LRP1B: variants seen among roughly 807,000 people sequenced by gnomAD.
The protein encoded by LRP1B is LDL receptor related protein 1B.
Under a neutral mutation model 556.6 loss-of-function variants are expected in LRP1B, and 217 were observed. The ratio of observed to expected loss-of-function variants is 0.39; its 90% CI spans 0.35 to 0.44. The LOEUF (loss-of-function observed/expected upper bound fraction) is 0.44, where lower values mean the gene tolerates loss of function less well. Ranked by LOEUF, LRP1B falls within the 20% of genes least tolerant of loss-of-function variation. LRP1B has a pLI of 1.00. For missense variants in LRP1B, 5,053 were observed against 5,620.8 expected (o/e 0.90, Z 3.23); for synonymous variants, 2,047 against 1,865.8 (o/e 1.10, Z -2.50).
chr2:142,004,632 G>A (rs1033922194), intron 1 of LRP1B, among the ~76,000 whole-genome samples: 6 of 152,092 alleles, frequency 3.9e-5, no homozygotes, highest in African/African-American at 1.2e-4. Context: ...GATCACCCGG[G>A]GTCAGGAGTT....
intron 71 of LRP1B, among the ~76,000 whole-genome samples, chr2:140,365,359 T>C (rs1220416770): frequency 6.6e-6 from 1 of 151,698 alleles, no homozygotes; most frequent in Admixed American, 6.6e-5. Context: ...TAAAGCATTA[T>C]TTTTTGGATT....
intron 35 of LRP1B, among the ~76,000 whole-genome samples, chr2:140,737,361 T>C (rs934840821): frequency 6.6e-6 from 1 of 152,170 alleles, no homozygotes; most frequent in African/African-American, 2.4e-5. Context: ...TAAACTCTGA[T>C]GACCCAAGGT....
intron 7 of LRP1B, among the ~76,000 whole-genome samples, chr2:141,111,005 T>G (rs2104965744): frequency 6.6e-6 from 1 of 152,292 alleles, no homozygotes; most frequent in South Asian, 2.1e-4. Context: ...AACAGTCTAC[T>G]TTGGAAAGAA....
intron 1 of LRP1B, among the ~76,000 whole-genome samples, chr2:142,109,176 T>G (rs1170148283): frequency 6.6e-6 from 1 of 152,152 alleles, no homozygotes; most frequent in Admixed American, 6.6e-5. Context: ...GAAGATCAAC[T>G]TAAAGAGACT....
chr2:140,455,601 G>A lies in LRP1B; in HGVS notation c.9963+854C>T, dbSNP rs181247704. Among the ~76,000 whole-genome samples the A allele has an allele frequency of 9.9e-5, 15 of 152,184 alleles. No homozygotes were observed. The East Asian group carries it at 1.9e-3, about 20-fold the overall frequency. On this transcript the variant is annotated intron_variant, in intron 62 of 90. Transcript: ENST00000389484. ...GCTCCCTGAAAAAGTTCTAATTGTT[G>A]TTATTTATGCAGTTCTTTCATGTAT...
chr2:141,376,002 C>G (rs888274664), intron 3 of LRP1B, among the ~76,000 whole-genome samples: 1 of 152,140 alleles, frequency 6.6e-6, no homozygotes. Flanking sequence ...GCAGCCCACT[C>G]ACATTTCAGT....
intron 2 of LRP1B, among the ~76,000 whole-genome samples, chr2:141,506,461 G>A (rs1559110494): frequency 6.6e-6 from 1 of 152,004 alleles, no homozygotes; most frequent in African/African-American, 2.4e-5. Flanking sequence ...AATTAGAGTG[G>A]CTTATACGTG....
intron 27 of LRP1B, among the ~76,000 whole-genome samples, chr2:140,852,056 G>T (rs112642126): frequency 5.2e-4 from 79 of 152,314 alleles, no homozygotes; most frequent in African/African-American, 1.8e-3. Flanking sequence ...GGCCGGATGT[G>T]GTTGCTCACG....
At chr2:141,588,171 A>G (rs1687206695) in intron 2 of LRP1B, among the ~76,000 whole-genome samples, 1 of 152,198 alleles carries the variant, frequency 6.6e-6, no homozygotes, top group East Asian at 1.9e-4. Flanking sequence ...CAAACACTGC[A>G]ATGTGTCCAC....
intron 6 of LRP1B, among the ~76,000 whole-genome samples, chr2:141,212,508 TCTC>T (rs1682607921): frequency 6.6e-6 from 1 of 151,014 alleles, no homozygotes; most frequent in Non-Finnish European, 1.5e-5. Context: ...GTGGTCTTGA[TCTC>T]CTGACCTCGT....
At chr2:141,534,457 G>A (rs539349051) in intron 2 of LRP1B, among the ~76,000 whole-genome samples, 1 of 152,190 alleles carries the variant, frequency 6.6e-6, no homozygotes, top group South Asian at 2.1e-4. Context: ...CTAACCCCAT[G>A]ATAGAAGCAT....
chr2:140,838,556 T>G (rs896190408), intron 31 of LRP1B, among the ~76,000 whole-genome samples: 7 of 152,136 alleles, frequency 4.6e-5, no homozygotes, highest in African/African-American at 1.4e-4. Flanking sequence ...TATTGAATCA[T>G]CACTATGAAA....
intron 86 of LRP1B, among the ~76,000 whole-genome samples, chr2:140,262,738 T>C (rs1211601725): frequency 1.3e-5 from 2 of 152,060 alleles, no homozygotes; most frequent in African/African-American, 4.8e-5. Context: ...CTCCTCACTC[T>C]CCTCTACTAT....
intron 37 of LRP1B, among the ~76,000 whole-genome samples, chr2:140,712,950 C>CT (rs540367216): frequency 2.7e-5 from 4 of 150,214 alleles, no homozygotes; most frequent in African/African-American, 5.0e-5. Flanking sequence ...TGTTGTTGTT[C>CT]TTTTTTTTCT....
chr2:141,783,273 G>A (rs547044065), intron 2 of LRP1B, among the ~76,000 whole-genome samples: 1 of 152,146 alleles, frequency 6.6e-6, no homozygotes, highest in African/African-American at 2.4e-5. Context: ...TCTGTGACTT[G>A]AAATATTACT....
At chr2:140,524,836 A>G (rs1002126148) in intron 49 of LRP1B, among the ~76,000 whole-genome samples, 3 of 151,806 alleles carry the variant, frequency 2.0e-5, no homozygotes, top group African/African-American at 7.2e-5. Flanking sequence ...AAAAACTATT[A>G]GGTACCATGT....
At chr2:141,127,897 A>G (rs2105017543) in intron 7 of LRP1B, among the ~76,000 whole-genome samples, 1 of 152,322 alleles carries the variant, frequency 6.6e-6, no homozygotes, top group East Asian at 1.9e-4. Context: ...TATTCAAAGC[A>G]TGTCCCTTGA....
chr2:140,469,699 A>G (rs1464329084), intron 60 of LRP1B, among the ~76,000 whole-genome samples: 2 of 152,210 alleles, frequency 1.3e-5, no homozygotes, highest in African/African-American at 4.8e-5. Context: ...GTGTAAGTGT[A>G]TACTTATGCT....
intron 25 of LRP1B, among the ~76,000 whole-genome samples, chr2:140,875,891 T>C (rs111358468): frequency 0.039 from 5,989 of 152,238 alleles, 186 homozygotes; most frequent in South Asian, 0.098. Context: ...ATTGTTATAT[T>C]AAATTATTGT....
Sources: gnomAD v4.1 joint callset for allele counts (sites outside exome capture counted in the v4.1 genomes callset) on GRCh38, gnomAD v4.1.1 for gene constraint, MANE v1.5 for transcripts, NCBI Gene and HGNC (gene_info 2026-07-23, HGNC 2026-07-21) for gene names.